The following KY variants were observed in gnomAD, a reference collection of about 807,000 sequenced individuals.
KY encodes the protein kyphoscoliosis peptidase.
A neutral mutation model predicts 76.1 loss-of-function variants in KY; 43 were observed. The ratio of observed to expected loss-of-function variants is 0.57; its 90% CI spans 0.44 to 0.73. KY has a LOEUF of 0.73. KY is among the 30% of genes least tolerant of loss of function. The probability of loss-of-function intolerance (pLI) is 0.00; values close to 1 mark genes in which losing one functional copy is unlikely to be tolerated. For missense variants in KY, 722 were observed against 828.9 expected (o/e 0.87, Z 1.58); for synonymous variants, 277 against 326.2 (o/e 0.85, Z 1.63).
At chr3:134,611,951 C>A (rs1960548446) in intron 8 of KY, among the ~76,000 whole-genome samples, 1 of 152,218 alleles carries the variant, frequency 6.6e-6, no homozygotes, top group Non-Finnish European at 1.5e-5. Flanking sequence ...ATATCACTTG[C>A]TGAGAGAGTC....
At chr3:134,604,899 G>A (rs550683544) in intron 10 of KY, among the ~76,000 whole-genome samples, 2 of 152,266 alleles carry the variant, frequency 1.3e-5, no homozygotes, top group Admixed American at 6.5e-5. Context: ...TGTAGCATCT[G>A]TCTAAGTGTC....
chr3:134,614,031 G>A (rs144081026), intron 8 of KY, among the ~76,000 whole-genome samples: 218 of 152,292 alleles, frequency 1.4e-3, no homozygotes, highest in African/African-American at 5.0e-3. Flanking sequence ...CCCAAAATAA[G>A]GCTCAGTGGC....
At chr3:134,621,221 G>C (rs1207527255) in intron 6 of KY, among the ~76,000 whole-genome samples, 1 of 152,150 alleles carries the variant, frequency 6.6e-6, no homozygotes, top group Non-Finnish European at 1.5e-5. Flanking sequence ...GGAAAAGTCA[G>C]TTCTCAAATT....
intron 3 of KY, among the ~76,000 whole-genome samples, chr3:134,640,924 A>G (rs1313648973): frequency 2.0e-5 from 3 of 152,110 alleles, no homozygotes; most frequent in African/African-American, 4.8e-5. Context: ...ACAACCATCT[A>G]ATGGTTTCCA....
At chr3:134,608,101 T>A in intron 10 of KY, 1 of 1,126,960 alleles carries the variant, frequency 8.9e-7, no homozygotes, top group Non-Finnish European at 1.1e-6. Flanking sequence ...GGGAGACCCA[T>A]GTTGCTCCCC....
rs970758415 is a variant in KY, at chr3:134,601,414, C to T, written c.*2165G>A. 6.6e-5 allele frequency among the ~76,000 whole-genome samples: 10 copies of T among 152,166 alleles called. No homozygotes were observed. The highest frequency in any genetic ancestry group is 2.0e-4 in the Admixed American group (3 of 15,282). Reference sequence around the variant, plus strand: ...CATATCGAAAAGGTATGGGGGTCTCCAGCAGGACTAAGCGAGGCAGCCAGC... The same window carrying T: ...CATATCGAAAAGGTATGGGGGTCTCTAGCAGGACTAAGCGAGGCAGCCAGC... On this transcript the variant is annotated 3_prime_UTR_variant, in exon 11 of 11. Coordinates refer to ENST00000423778, the MANE Select transcript of KY (RefSeq NM_178554.6).
intron 1 of KY, 38 bp from the exon 2 acceptor site, chr3:134,647,535 G>A (rs2108040223): frequency 1.5e-6 from 2 of 1,307,416 alleles, no homozygotes; most frequent in East Asian, 4.6e-5. Context: ...GGGAGACTCA[G>A]GGCAAAAGAG....
At chr3:134,624,705 G>A (rs922614943) in intron 6 of KY, among the ~76,000 whole-genome samples, 19 of 152,208 alleles carry the variant, frequency 1.2e-4, no homozygotes, top group Non-Finnish European at 2.6e-4. Context: ...CTTCTTCCAT[G>A]GACTGGAGGC....
rs565205276 is a variant in KY, at chr3:134,603,352, T to A, written c.*227A>T. ...CTTAGATTTACATAGCACCTTTTCCTTCTAAAGAGCCACTGCCTCTGCCCC... is the reference window on the plus strand; with the variant it reads ...CTTAGATTTACATAGCACCTTTTCCATCTAAAGAGCCACTGCCTCTGCCCC... On this transcript the variant is annotated 3_prime_UTR_variant, in exon 11 of 11. Transcript: ENST00000423778. 1.5e-5 allele frequency: 7 copies of A among 471,274 alleles called. No individual in the cohort carries two copies. The highest frequency in any genetic ancestry group is 2.6e-5 in the Non-Finnish European group (7 of 266,970). The allele number at this position is 471,274 out of a possible 1,614,324, so 29.2% of individuals were successfully genotyped here. A position where few individuals can be genotyped will look rare whatever the true frequency, so the allele number is the denominator to read the frequency against.
intron 6 of KY, among the ~76,000 whole-genome samples, chr3:134,621,914 A>G (rs981500643): frequency 8.5e-5 from 13 of 152,352 alleles, no homozygotes; most frequent in Middle Eastern, 3.4e-3. Flanking sequence ...ACTTGAACAG[A>G]TATTTCTCTA....
intron 3 of KY, among the ~76,000 whole-genome samples, chr3:134,638,577 A>C (rs1485339736): frequency 6.6e-6 from 1 of 152,188 alleles, no homozygotes; most frequent in Non-Finnish European, 1.5e-5. Flanking sequence ...AGCATGTTAG[A>C]GATTATTTTC....
chr3:134,608,444 C>T (rs759495551), intron 10 of KY: 1 of 1,517,684 alleles, frequency 6.6e-7, no homozygotes, highest in South Asian at 1.2e-5. Flanking sequence ...GCTGATGTGG[C>T]CTATGGCCCT....
intron 2 of KY, 110 bp from the exon 3 acceptor site, chr3:134,643,488 C>T: frequency 1.3e-6 from 1 of 797,828 alleles, no homozygotes; most frequent in South Asian, 1.6e-5. Context: ...GGGCCAAGCA[C>T]ATCCCCAGGC....
At chr3:134,607,514 G>A (rs1959407800) in intron 10 of KY, 2 of 985,656 alleles carry the variant, frequency 2.0e-6, no homozygotes, top group Middle Eastern at 5.2e-4. Context: ...CCACCAGGCA[G>A]TCCTTTGCTG....
At chr3:134,627,845 T>C (rs1223582968) in intron 4 of KY, 27 bp from the exon 5 acceptor site, 3 of 1,582,240 alleles carry the variant, frequency 1.9e-6, no homozygotes, top group South Asian at 1.1e-5. Context: ...ATCAGAAGTA[T>C]AGATACTTCA....
At chr3:134,608,066 G>A in intron 10 of KY, 2 of 1,088,554 alleles carry the variant, frequency 1.8e-6, no homozygotes, top group Non-Finnish European at 2.2e-6. Context: ...TCTCTGTCTT[G>A]GGTGGGACTG....
intron 6 of KY, among the ~76,000 whole-genome samples, chr3:134,623,006 T>G (rs1308444268): frequency 6.6e-6 from 1 of 152,240 alleles, no homozygotes; most frequent in Non-Finnish European, 1.5e-5. Flanking sequence ...TTCTGTTTCA[T>G]TTTCTTCTAC....
chr3:134,611,885 A>C (rs1460985615), intron 8 of KY, among the ~76,000 whole-genome samples: 1 of 152,258 alleles, frequency 6.6e-6, no homozygotes, highest in Non-Finnish European at 1.5e-5. Context: ...TCTTCCTTGT[A>C]AAAATGAACA....
chr3:134,605,530 G>A (rs1036564512), intron 10 of KY, among the ~76,000 whole-genome samples: 2 of 152,110 alleles, frequency 1.3e-5, no homozygotes, highest in Non-Finnish European at 2.9e-5. Context: ...TCAGGAATGG[G>A]AGAAGACCAC....
Sources: allele counts gnomAD v4.1 joint callset (sites outside exome capture counted in the v4.1 genomes callset), GRCh38; gene constraint gnomAD v4.1.1; transcripts MANE v1.5; gene names NCBI Gene and HGNC (gene_info 2026-07-23, HGNC 2026-07-21).